The following SPOCK1 variants were observed in gnomAD, a reference collection of about 807,000 sequenced individuals.
SPOCK1 encodes the protein SPARC (osteonectin), cwcv and kazal like domains proteoglycan 1, also known as testican-1.
A neutral mutation model predicts 55.3 loss-of-function variants in SPOCK1; 23 were observed. That is an observed-to-expected ratio of 0.42 (90% CI 0.30 to 0.59). SPOCK1 has a LOEUF of 0.59. SPOCK1 is among the 20% of genes least tolerant of loss of function. The pLI is 0.22. For missense variants in SPOCK1, 499 were observed against 552.5 expected (o/e 0.90, Z 0.97); for synonymous variants, 226 against 221.0 (o/e 1.02, Z -0.20).
intron 3 of SPOCK1, among the ~76,000 whole-genome samples, chr5:137,193,550 C>T (rs959489765): frequency 6.6e-6 from 1 of 152,166 alleles, no homozygotes; most frequent in African/African-American, 2.4e-5. Context: ...GAAATCTCCA[C>T]AGACTCATAA....
chr5:137,006,884 T>G (rs1406525304), intron 6 of SPOCK1, among the ~76,000 whole-genome samples: 1 of 152,172 alleles, frequency 6.6e-6, no homozygotes, highest in Non-Finnish European at 1.5e-5. Flanking sequence ...AATACCTAGT[T>G]TATTGAGTGC....
intron 5 of SPOCK1, among the ~76,000 whole-genome samples, chr5:137,075,784 C>A (rs1428906547): frequency 2.0e-5 from 3 of 152,174 alleles, no homozygotes; most frequent in African/African-American, 7.2e-5. Context: ...TGCAGGCCCA[C>A]CCCCAGCAGG....
chr5:137,493,200 G>A (rs550295941), intron 2 of SPOCK1, among the ~76,000 whole-genome samples: 1 of 152,298 alleles, frequency 6.6e-6, no homozygotes, highest in South Asian at 2.1e-4. Flanking sequence ...CTTGTGTTTA[G>A]TTATTGTGTT....
intron 3 of SPOCK1, among the ~76,000 whole-genome samples, chr5:137,247,257 G>A (rs1756413601): frequency 6.6e-6 from 1 of 152,246 alleles, no homozygotes; most frequent in East Asian, 1.9e-4. Context: ...CTGGCCCAGG[G>A]CCTGGCAAGC....
At chr5:137,374,018 G>A (rs944873521) in intron 2 of SPOCK1, among the ~76,000 whole-genome samples, 1 of 152,366 alleles carries the variant, frequency 6.6e-6, no homozygotes, top group Admixed American at 6.5e-5. Context: ...ATGGGGAGAT[G>A]CCCAGTGGGC....
rs143339921 is a variant in SPOCK1 at position 137,396,244 on chromosome 5, G to A, written c.186+102129C>T. The stretch of plus-strand genomic sequence containing the variant: ...CAAAATTCCTTGAGTATTTCTTAAC[G>A]AGAAGTAACATAGAAAACACCACCA... On this transcript the variant is annotated intron_variant, in intron 2 of 10. Transcript: ENST00000394945. 7.7e-3 allele frequency among the ~76,000 whole-genome samples: 1,167 copies of A among 152,246 alleles called. 13 individuals are homozygous for A. Among genetic ancestry groups the A allele is most frequent in the Middle Eastern group, 0.02 (6 of 294 alleles).
rs1753849907 is a variant in SPOCK1, at chr5:137,130,306, A to C, written c.347+10274T>G. On this transcript the variant is annotated intron_variant, in intron 4 of 10. Transcript: ENST00000394945. The stretch of plus-strand genomic sequence containing the variant: ...CTTTCAATAGACTTTAATCTCCACA[A>C]GGGTAGACTATGCCCACTCATCATA... Among the ~76,000 whole-genome samples, 4 of 152,176 alleles carry C rather than the reference A, an allele frequency of 2.6e-5. No homozygotes were observed. In the South Asian group the frequency reaches 8.3e-4, roughly 32 times the overall value.
intron 2 of SPOCK1, among the ~76,000 whole-genome samples, chr5:137,435,636 G>A (rs781283622): frequency 6.6e-6 from 1 of 152,072 alleles, no homozygotes; most frequent in Non-Finnish European, 1.5e-5. Context: ...AAGTAAAGTG[G>A]GAGGCATTGA....
intron 5 of SPOCK1, among the ~76,000 whole-genome samples, chr5:137,111,423 A>G (rs1427652287): frequency 6.6e-6 from 1 of 152,188 alleles, no homozygotes; most frequent in Admixed American, 6.5e-5. Flanking sequence ...GGGGAGGGCA[A>G]GAGCTCTACT....
At chr5:137,265,651 T>C (rs916370179) in intron 3 of SPOCK1, among the ~76,000 whole-genome samples, 3 of 152,306 alleles carry the variant, frequency 2.0e-5, no homozygotes, top group East Asian at 1.9e-4. Flanking sequence ...GTTAGGATTG[T>C]AGAAGAATAA....
At chr5:137,412,714 G>A (rs1752236047) in intron 2 of SPOCK1, among the ~76,000 whole-genome samples, 5 of 152,242 alleles carry the variant, frequency 3.3e-5, no homozygotes, top group African/African-American at 1.2e-4. Context: ...ACCTGGGCCT[G>A]TGATCCAAGG....
chr5:137,110,870 AT>A (rs1753453764), intron 5 of SPOCK1, among the ~76,000 whole-genome samples: 1 of 152,158 alleles, frequency 6.6e-6, no homozygotes, highest in Non-Finnish European at 1.5e-5. Flanking sequence ...CAAGGAACCA[AT>A]CAAGCAATGA....
At chr5:137,178,778 C>T (rs1279198797) in intron 3 of SPOCK1, among the ~76,000 whole-genome samples, 6 of 152,250 alleles carry the variant, frequency 3.9e-5, no homozygotes, top group African/African-American at 1.2e-4. Context: ...TGGGCTGGCC[C>T]ACCAGAGACA....
intron 2 of SPOCK1, among the ~76,000 whole-genome samples, chr5:137,287,784 GC>G (rs748348616): frequency 7.2e-5 from 11 of 152,194 alleles, no homozygotes; most frequent in Non-Finnish European, 1.6e-4. Context: ...CATTCCCAGA[GC>G]CCTTCACTAC....
intron 6 of SPOCK1, among the ~76,000 whole-genome samples, chr5:137,009,991 T>C (rs1478123892): frequency 6.6e-6 from 1 of 152,076 alleles, no homozygotes; most frequent in Non-Finnish European, 1.5e-5. Context: ...AGAATCAAGG[T>C]TTGCTTCAAA....
intron 2 of SPOCK1, among the ~76,000 whole-genome samples, chr5:137,344,208 T>G (rs554649915): frequency 6.6e-6 from 1 of 152,358 alleles, no homozygotes; most frequent in South Asian, 2.1e-4. Flanking sequence ...CCAAAATAGC[T>G]GCCTGAGAAA....
At chr5:137,447,342 C>T (rs1377191070) in intron 2 of SPOCK1, among the ~76,000 whole-genome samples, 1 of 152,120 alleles carries the variant, frequency 6.6e-6, no homozygotes, top group East Asian at 1.9e-4. Context: ...TAACGAATGC[C>T]CCTGAATACA....
At chr5:137,329,650 G>A (rs1044670184) in intron 2 of SPOCK1, among the ~76,000 whole-genome samples, 4 of 152,152 alleles carry the variant, frequency 2.6e-5, no homozygotes, top group Admixed American at 6.5e-5. Flanking sequence ...TAGTGGGGAG[G>A]GAGAAGGGAA....
At chr5:137,413,635 C>G (rs1187147802) in intron 2 of SPOCK1, among the ~76,000 whole-genome samples, 1 of 152,162 alleles carries the variant, frequency 6.6e-6, no homozygotes, top group Non-Finnish European at 1.5e-5. Context: ...ACCTGAGCTA[C>G]ACTCCTGGCT....
Sources: allele counts gnomAD v4.1 joint callset (sites outside exome capture counted in the v4.1 genomes callset), GRCh38; gene constraint gnomAD v4.1.1; transcripts MANE v1.5; gene names NCBI Gene and HGNC (gene_info 2026-07-23, HGNC 2026-07-21).